PAK3: variants seen among roughly 807,000 people sequenced by gnomAD.
PAK3 encodes the protein serine/threonine-protein kinase PAK 3.
In PAK3, 4 loss-of-function variants were observed where a neutral mutation model predicts 41.0. The observed-to-expected ratio is 0.10, with a 90% CI of 0.05 to 0.22. The LOEUF is 0.22. Ranked by LOEUF, PAK3 falls within the 10% of genes least tolerant of loss-of-function variation. The pLI is 1.00. For missense variants in PAK3, 205 were observed against 409.9 expected (o/e 0.50, Z 4.32); for synonymous variants, 146 against 139.6 (o/e 1.05, Z -0.32).
chrX:110,969,826 T>C (rs2091168729), intron 1 of PAK3, among the ~76,000 whole-genome samples: 1 of 112,303 alleles, frequency 8.9e-6, no homozygotes, highest in Non-Finnish European at 1.9e-5. Flanking sequence ...TGCTAGGTCT[T>C]TCCAAATATA....
At chrX:111,001,343 C>T (rs1310108032) in intron 1 of PAK3, among the ~76,000 whole-genome samples, 1 of 111,842 alleles carries the variant, frequency 8.9e-6, no homozygotes, top group Non-Finnish European at 1.9e-5. Context: ...GAATCACTGT[C>T]CAATTTCTGG....
chrX:110,985,315 A>G (rs1316058291), intron 1 of PAK3, among the ~76,000 whole-genome samples: 2 of 110,905 alleles, frequency 1.8e-5, no homozygotes, highest in Non-Finnish European at 3.8e-5. Flanking sequence ...CACCAAGCAC[A>G]TATCATTGTA....
intron 1 of PAK3, among the ~76,000 whole-genome samples, chrX:110,950,269 T>C (rs1447233340): frequency 1.8e-5 from 2 of 112,500 alleles, no homozygotes; most frequent in Non-Finnish European, 3.8e-5. Flanking sequence ...ACATTGTGCA[T>C]GTTTTTATGA....
chrX:111,055,080 G>T (rs768383358), intron 1 of PAK3, among the ~76,000 whole-genome samples: 1 of 111,815 alleles, frequency 8.9e-6, no homozygotes, highest in Non-Finnish European at 1.9e-5. Context: ...TGAACACTTG[G>T]TGCACATTGT....
chrX:111,000,507 G>A (rs2091828843), intron 1 of PAK3, among the ~76,000 whole-genome samples: 1 of 112,068 alleles, frequency 8.9e-6, no homozygotes, highest in Non-Finnish European at 1.9e-5. Context: ...GGAGGCTAAT[G>A]AGGCATGGCA....
chrX:111,164,159 A>C (rs145644642), intron 10 of PAK3, among the ~76,000 whole-genome samples: 16,987 of 110,749 alleles, frequency 0.15, 2,733 homozygotes, highest in African/African-American at 0.49. Context: ...AGAAGCATTT[A>C]TATGTGGCAG....
At chrX:111,165,101 C>T (rs2149205769) in intron 10 of PAK3, among the ~76,000 whole-genome samples, 1 of 111,700 alleles carries the variant, frequency 9.0e-6, no homozygotes, top group South Asian at 3.8e-4. Flanking sequence ...GCCCTCCATC[C>T]ACTTTACAGT....
intron 1 of PAK3, among the ~76,000 whole-genome samples, chrX:110,963,199 A>T (rs953956005): frequency 6.2e-5 from 7 of 112,631 alleles, no homozygotes; most frequent in African/African-American, 2.3e-4. Context: ...GCAGCAGAAT[A>T]TTCCACTGAA....
chrX:111,073,607 G>GA (rs764264346), intron 1 of PAK3, among the ~76,000 whole-genome samples: 2 of 111,570 alleles, frequency 1.8e-5, no homozygotes, highest in African/African-American at 3.3e-5. Context: ...AGATAACCTA[G>GA]AAAAATGGAT....
chrX:111,136,395 A>T (rs2093789991), intron 5 of PAK3, among the ~76,000 whole-genome samples: 1 of 111,712 alleles, frequency 9.0e-6, no homozygotes, highest in African/African-American at 3.3e-5. Flanking sequence ...GGATTCTATT[A>T]GGGTAGGGTT....
Position 111,222,541 on chromosome X carries a change from A to G in PAK3, c.*2094A>G, listed in dbSNP as rs1369971106. The G allele has an allele frequency of 1.8e-5, 2 of 112,466 alleles. No individual in the cohort carries two copies. The highest frequency in any genetic ancestry group is 6.5e-5 in the African/African-American group (2 of 30,962). 9.3% of individuals were successfully genotyped at this position (112,466 alleles called of 1,213,427 possible). ...ATCTGGGCCTGTAATTTTTAATGCC[A>G]CACTGCTCTAATGAGAGAGAGAGGC... On this transcript the variant is annotated 3_prime_UTR_variant, in exon 18 of 18. Coordinates refer to ENST00000372007, the MANE Select transcript of PAK3 (RefSeq NM_002578.5).
intron 1 of PAK3, among the ~76,000 whole-genome samples, chrX:111,027,140 C>T (rs764727990): frequency 1.8e-5 from 2 of 111,101 alleles, no homozygotes; most frequent in African/African-American, 6.5e-5. Flanking sequence ...TCTCATCTCA[C>T]GCCTTGTACA....
At chrX:111,141,542 G>C (rs1348730964) in intron 5 of PAK3, among the ~76,000 whole-genome samples, 1 of 112,056 alleles carries the variant, frequency 8.9e-6, no homozygotes, top group East Asian at 2.8e-4. Context: ...AATAAAAAAG[G>C]TTTGTAACAT....
At chrX:111,150,925 A>G (rs1370451357) in intron 7 of PAK3, among the ~76,000 whole-genome samples, 1 of 111,883 alleles carries the variant, frequency 8.9e-6, no homozygotes, top group Non-Finnish European at 1.9e-5. Context: ...CACTGGATTT[A>G]GTATAAGCAG....
intron 1 of PAK3, among the ~76,000 whole-genome samples, chrX:110,957,126 ATAT>A (rs2090877182): frequency 8.9e-6 from 1 of 112,201 alleles, no homozygotes; most frequent in South Asian, 3.7e-4. Context: ...GAACTATATC[ATAT>A]TATTGTTCCT....
chrX:111,042,275 C>T (rs1312988197), intron 1 of PAK3, among the ~76,000 whole-genome samples: 1 of 111,553 alleles, frequency 9.0e-6, no homozygotes, highest in Admixed American at 9.5e-5. Flanking sequence ...AGCCTTGGAG[C>T]CTTCATGAGC....
intron 11 of PAK3, among the ~76,000 whole-genome samples, chrX:111,182,288 A>C (rs890547400): frequency 5.4e-5 from 6 of 110,561 alleles, no homozygotes; most frequent in African/African-American, 2.0e-4. Flanking sequence ...CCTCATTATC[A>C]CTGGACTATA....
intron 8 of PAK3, among the ~76,000 whole-genome samples, chrX:111,156,594 C>T (rs1022167688): frequency 2.7e-5 from 3 of 112,075 alleles, no homozygotes; most frequent in African/African-American, 6.5e-5. Flanking sequence ...TGGCTGTCTA[C>T]AAAATCTGAT....
At chrX:111,141,335 G>A (rs1173814797) in intron 5 of PAK3, among the ~76,000 whole-genome samples, 1 of 111,312 alleles carries the variant, frequency 9.0e-6, no homozygotes, top group Non-Finnish European at 1.9e-5. Flanking sequence ...ACTTGAAAAA[G>A]ACAATGATTT....
Sources: gnomAD v4.1 joint callset for allele counts (sites outside exome capture counted in the v4.1 genomes callset) on GRCh38, gnomAD v4.1.1 for gene constraint, MANE v1.5 for transcripts, NCBI Gene and HGNC (gene_info 2026-07-23, HGNC 2026-07-21) for gene names.